Variants in PPT1 observed in about 807,000 individuals in gnomAD.
The protein encoded by PPT1 is ceroid-palmitoyl-palmitoyl-protein thioesterase 1.
PPT1 carries 24 observed loss-of-function variants against 44.0 expected under a neutral mutation model. That is an observed-to-expected ratio of 0.54 (90% CI 0.39 to 0.77). PPT1 has a LOEUF of 0.77. Among genes scored for constraint, PPT1 ranks in the 30% least tolerant of loss-of-function variants. The probability of loss-of-function intolerance (pLI) is 0.00; values close to 1 mark genes in which losing one functional copy is unlikely to be tolerated. For missense variants in PPT1, 341 were observed against 378.8 expected, an observed-to-expected ratio of 0.90 and a Z score of 0.83; for synonymous variants, 148 against 140.2, an observed-to-expected ratio of 1.06 and a Z score of -0.39.
At chr1:40,072,041 G>A (rs1284541035), downstream of PPT1, 1 of 403,072 alleles carries the variant, frequency 2.5e-6, no homozygotes, top group Non-Finnish European at 4.4e-6. Flanking sequence ...GCTGAGGCTT[G>A]GCCATCTAGC....
chr1:40,086,003 G>A (rs1570463410), intron 5 of PPT1, among the ~76,000 whole-genome samples: 1 of 152,204 alleles, frequency 6.6e-6, no homozygotes, highest in South Asian at 2.1e-4. Context: ...TGAGGGCAAA[G>A]ACATGGGAAA....
At chr1:40,084,346 C>T (rs1649141375) in intron 5 of PPT1, among the ~76,000 whole-genome samples, 1 of 152,126 alleles carries the variant, frequency 6.6e-6, no homozygotes, top group African/African-American at 2.4e-5. Context: ...ATGCTGTGAA[C>T]ACTGATGAAA....
chr1:40,081,731 C>T (rs1648954158), intron 5 of PPT1, among the ~76,000 whole-genome samples: 1 of 152,048 alleles, frequency 6.6e-6, no homozygotes, highest in African/African-American at 2.4e-5. Flanking sequence ...TCGGGTATGT[C>T]TTTATCGGTA....
chr1:40,092,241 G>A lies in PPT1; in HGVS notation c.235-69C>T. On this transcript the variant is annotated intron_variant, in intron 2 of 8. Coordinates refer to ENST00000642050, the MANE Select transcript of PPT1 (RefSeq NM_000310.4). The stretch of plus-strand genomic sequence containing the variant: ...CAACCACTGACATCTTCTCTAAGAG[G>A]TAAACTCATTTAGGTTGGTATCCTC... 6.2e-6 allele frequency: 10 copies of A among 1,601,680 alleles called. 1 individual carries two copies. In the South Asian group the frequency reaches 1.1e-4, roughly 18 times the overall value.
rs386833640 is a variant in PPT1 at position 40,092,120 on chromosome 1, C to T, written c.287G>A (p.Cys96Tyr). The change falls in exon 3 of 9, where the codon TGT (cysteine) becomes TAT (tyrosine). Residue 96 changes from cysteine to tyrosine, a missense_variant. Cys to Tyr is a radical substitution (Grantham distance 194). Coordinates refer to ENST00000642050, the MANE Select transcript of PPT1 (RefSeq NM_000310.4). The part of the protein sequence containing the change: ...LNVNSQVTTV[C>Y]QALAKDPKLQ... ...TTTAGGATCCTTAGCAAGTGCCTGA[C>T]ACACTGTTGTTACTTGGGAATTGAC... 17 of 1,613,984 alleles carry T rather than the reference C, an allele frequency of 1.1e-5. No individual in the cohort carries two copies. Among genetic ancestry groups the T allele is most frequent in the Non-Finnish European group, 1.4e-5 (17 of 1,179,942 alleles).
chr1:40,072,950 G>C lies in PPT1; in HGVS notation c.*1111C>G, dbSNP rs965384196. ...CCAAAAAGCGTTAAGTTTTCACAGAGTGGGGACTATGATTTCCATGCTCAA... is the reference window on the plus strand; with the variant it reads ...CCAAAAAGCGTTAAGTTTTCACAGACTGGGGACTATGATTTCCATGCTCAA... On this transcript the variant is annotated 3_prime_UTR_variant, in exon 9 of 9. Coordinates refer to ENST00000642050, the MANE Select transcript of PPT1 (RefSeq NM_000310.4). 6.6e-6 allele frequency: 1 copy of C among 152,210 alleles called. No individual in the cohort carries two copies. Among genetic ancestry groups the C allele is most frequent in the Non-Finnish European group, 1.5e-5 (1 of 68,032 alleles). The allele number at this position is 152,210 out of a possible 1,614,324, so 9.4% of individuals were successfully genotyped here.
intron 1 of PPT1, chr1:40,094,093 G>A (rs1649720021): frequency 3.2e-6 from 2 of 628,194 alleles, no homozygotes; most frequent in South Asian, 3.6e-5. Flanking sequence ...ATAAGCAGAG[G>A]TACACATTCC....
intron 5 of PPT1, among the ~76,000 whole-genome samples, chr1:40,084,287 G>C (rs376952970): frequency 1.3e-5 from 2 of 152,162 alleles, no homozygotes; most frequent in African/African-American, 4.8e-5. Flanking sequence ...TGCTTCTTAC[G>C]GATGAGCAAA....
In PPT1 at chr1:40,093,836, A is replaced by G. The variant is rs1286678270; in HGVS notation, c.125-1329T>C. 7.7e-6 allele frequency: 4 copies of G among 517,644 alleles called. No individual in the cohort carries two copies. In the Admixed American group the frequency reaches 9.7e-5, roughly 13 times the overall value. 32.1% of individuals were successfully genotyped at this position (517,644 alleles called of 1,614,324 possible). ...AAGGTGGAGGTTTCAGTGAGCCAAG[A>G]TCATGCCACTGCACTCCAGCCTGGG... is the stretch of plus-strand genomic sequence containing the variant. On this transcript the variant is annotated intron_variant, in intron 1 of 8. Coordinates refer to ENST00000642050, the MANE Select transcript of PPT1 (RefSeq NM_000310.4).
chr1:40,090,867 T>C (rs1649527555), intron 4 of PPT1, among the ~76,000 whole-genome samples: 1 of 152,238 alleles, frequency 6.6e-6, no homozygotes, highest in Admixed American at 6.5e-5. Context: ...TGAAATTCCA[T>C]TCTAATGACA....
Position 40,078,572 on chromosome 1 carries a change from AGG to A in PPT1, c.712_713del (p.Pro238CysfsTer56), listed in dbSNP as rs2124472229. 6.2e-7 allele frequency: 1 copy of A among 1,613,746 alleles called. No homozygotes were observed. Among genetic ancestry groups the A allele is most frequent in the Non-Finnish European group, 8.5e-7 (1 of 1,179,700 alleles). ...VKFLNDSIVD[P>X]VDSEWFGFYR... Reference sequence around the variant, plus strand: ...AGTAGTGTCTCACCTCCGAATCTACAGGGTCCACAATGGAATCATTGAGGAAT... The same window carrying A: ...AGTAGTGTCTCACCTCCGAATCTACAGTCCACAATGGAATCATTGAGGAAT... On this transcript the variant is annotated frameshift_variant, in exon 7 of 9. Transcript: ENST00000642050. LOFTEE classifies it high-confidence loss of function.
At chr1:40,085,897 A>G (rs1649232285) in intron 5 of PPT1, among the ~76,000 whole-genome samples, 2 of 152,124 alleles carry the variant, frequency 1.3e-5, no homozygotes, top group African/African-American at 4.8e-5. Context: ...AGTTCGTTAC[A>G]TTACTCTCTA....
intron 5 of PPT1, among the ~76,000 whole-genome samples, chr1:40,085,977 T>C (rs890696923): frequency 6.6e-6 from 1 of 152,132 alleles, no homozygotes; most frequent in Non-Finnish European, 1.5e-5. Context: ...GAAAACCAAG[T>C]TGCAAGTTCA....
intron 5 of PPT1, among the ~76,000 whole-genome samples, chr1:40,087,616 C>T (rs1462304681): frequency 5.3e-5 from 8 of 152,052 alleles, no homozygotes; most frequent in South Asian, 4.2e-4. Flanking sequence ...GAATTCTGAT[C>T]GCCAAGGGTT....
At position 40,092,119 on chromosome 1, in the gene PPT1, A is replaced by C; in HGVS notation, c.288T>G (p.Cys96Trp). 6.2e-7 allele frequency: 1 copy of C among 1,614,144 alleles called. No homozygotes were observed. Among genetic ancestry groups the C allele is most frequent in the Non-Finnish European group, 8.5e-7 (1 of 1,179,960 alleles). ...LNVNSQVTTV[C>W]QALAKDPKLQ... ...ATTTAGGATCCTTAGCAAGTGCCTG[A>C]CACACTGTTGTTACTTGGGAATTGA... Residue 96 changes from cysteine to tryptophan, a missense_variant, in exon 3 of 9, where the codon TGT becomes TGG. By Grantham distance (215) the Cys-to-Trp change is radical. Transcript: ENST00000642050.
In PPT1 at chr1:40,091,018, C is replaced by T. The variant is rs1312915448; in HGVS notation, c.433+311G>A. ...AAGAGGATACCACCAAATCAGAGAA[C>T]AGAAAAGGTCACTCAATTTTCCTAA... is the stretch of plus-strand genomic sequence containing the variant. On this transcript the variant is annotated intron_variant, in intron 4 of 8. Coordinates refer to ENST00000642050, the MANE Select transcript of PPT1 (RefSeq NM_000310.4). Among the ~76,000 whole-genome samples the T allele has an allele frequency of 3.9e-5, 6 of 152,334 alleles. 1 individual carries two copies. The South Asian group carries it at 1.2e-3, about 32-fold the overall frequency.
rs746750426 is a variant in PPT1, at chr1:40,092,390, C to A, written c.234+8G>T. 6.3e-7 allele frequency: 1 copy of A among 1,587,640 alleles called. No individual in the cohort carries two copies. The highest frequency in any genetic ancestry group is 8.7e-7 in the Non-Finnish European group (1 of 1,155,886). ...ACCCTTCAAAGGAACAGCTGTGAAG[C>A]GCCTTACCTCCATCAGGGTCTTCCC... On this transcript the variant is annotated splice_region_variant and intron_variant, in intron 2 of 8. Transcript: ENST00000642050.
chr1:40,087,409 A>G (rs1364284577), intron 5 of PPT1, among the ~76,000 whole-genome samples: 1 of 151,528 alleles, frequency 6.6e-6, no homozygotes, highest in African/African-American at 2.4e-5. Context: ...CGCCTGCCTA[A>G]TTTTTGTATT....
intron 1 of PPT1, among the ~76,000 whole-genome samples, chr1:40,093,498 T>C: frequency 6.6e-6 from 1 of 152,158 alleles, no homozygotes; most frequent in East Asian, 1.9e-4. Context: ...TTTTAAATGG[T>C]TAACTTTACA....
Sources: gnomAD v4.1 joint callset for allele counts (sites outside exome capture counted in the v4.1 genomes callset) on GRCh38, gnomAD v4.1.1 for gene constraint, MANE v1.5 for transcripts, NCBI Gene and HGNC (gene_info 2026-07-23, HGNC 2026-07-21) for gene names.